Variants in USP45 observed in about 807,000 individuals in gnomAD.
USP45 encodes ubiquitin carboxyl-terminal hydrolase 45.
A neutral mutation model predicts 95.8 loss-of-function variants in USP45; 89 were observed. The observed-to-expected ratio is 0.93, with a 90% confidence interval of 0.78 to 1.11. USP45 has a LOEUF of 1.11. USP45 is among the 50% of genes least tolerant of loss of function. The pLI, the probability that USP45 is intolerant of heterozygous loss-of-function variation, is 0.00. For missense variants in USP45, 898 were observed against 942.5 expected (o/e 0.95, Z 0.62); for synonymous variants, 281 against 316.2 (o/e 0.89, Z 1.18).
intron 7 of USP45, among the ~76,000 whole-genome samples, chr6:99,485,042 C>T (rs1482740235): frequency 6.6e-6 from 1 of 151,824 alleles, no homozygotes; most frequent in Non-Finnish European, 1.5e-5. Context: ...TTAAAAAGTA[C>T]ATTTAGACCT....
intron 2 of USP45, 75 bp downstream of exon 2, chr6:99,510,046 C>A (rs1051688522): frequency 1.6e-5 from 18 of 1,145,188 alleles, no homozygotes; most frequent in Non-Finnish European, 2.3e-5. Flanking sequence ...AGCGTTCAAA[C>A]CCATGTTGTT....
At chr6:99,503,562 C>T (rs1302093480) in intron 5 of USP45, among the ~76,000 whole-genome samples, 1 of 152,094 alleles carries the variant, frequency 6.6e-6, no homozygotes, top group Non-Finnish European at 1.5e-5. Context: ...AAACCCTTGA[C>T]CTCATGATCC....
chr6:99,450,042 GA>G (rs1452996861), intron 13 of USP45, among the ~76,000 whole-genome samples: 10 of 152,106 alleles, frequency 6.6e-5, no homozygotes, highest in Non-Finnish European at 1.3e-4. Flanking sequence ...TGTGTAGAGG[GA>G]AATTTATAGT....
At chr6:99,493,956 CA>C (rs1456559283) in intron 5 of USP45, among the ~76,000 whole-genome samples, 7 of 152,098 alleles carry the variant, frequency 4.6e-5, no homozygotes, top group African/African-American at 1.4e-4. Context: ...GAACCAAATA[CA>C]ATAAGGAATG....
intron 13 of USP45, chr6:99,461,315 C>G: frequency 1.0e-6 from 1 of 985,226 alleles, no homozygotes; most frequent in Non-Finnish European, 1.2e-6. Flanking sequence ...AGAAAAATAG[C>G]CTATGGAATA....
chr6:99,447,074 G>C (rs1782697938), intron 13 of USP45, among the ~76,000 whole-genome samples: 1 of 139,076 alleles, frequency 7.2e-6, no homozygotes, highest in Non-Finnish European at 1.6e-5. Context: ...AAATGTATCT[G>C]TTTTTTAAAC....
intron 13 of USP45, among the ~76,000 whole-genome samples, chr6:99,446,691 G>A (rs1225738654): frequency 6.6e-6 from 1 of 152,186 alleles, no homozygotes; most frequent in Non-Finnish European, 1.5e-5. Flanking sequence ...TATTTGTGGG[G>A]AAGGAAATAG....
In USP45 at chr6:99,510,129, T is replaced by C. The variant is rs201895399; in HGVS notation, c.92A>G (p.Asp31Gly). The C allele has an allele frequency of 6.4e-5, 103 of 1,610,428 alleles. No individual in the cohort carries two copies. The highest frequency in any genetic ancestry group is 6.7e-5 in the Admixed American group (4 of 59,898). Reference sequence around the variant, plus strand: ...CATATATCACAATTTACCAGCAATATCATCTGAAGAGTCTTCATCATGAGG... The same window carrying C: ...CATATATCACAATTTACCAGCAATACCATCTGAAGAGTCTTCATCATGAGG... Reference protein sequence around the residue: ...TVPHDEDSSDDIAVGLTCQHV... With the variant: ...TVPHDEDSSDGIAVGLTCQHV... Residue 31 changes from aspartate (D) to glycine (G), a missense_variant, in exon 2 of 18, where the codon GAT (aspartate) becomes GGT (glycine). By Grantham distance (94) the Asp-to-Gly change is moderately conservative. Transcript: ENST00000500704.
intron 7 of USP45, among the ~76,000 whole-genome samples, chr6:99,483,209 C>A (rs908231877): frequency 6.6e-6 from 1 of 151,980 alleles, no homozygotes; most frequent in African/African-American, 2.4e-5. Context: ...TGTACCACTC[C>A]ACGAATAATC....
At chr6:99,515,462 G>A (rs1407635355), upstream of USP45, 1 of 152,304 alleles carries the variant, frequency 6.6e-6, no homozygotes, top group Non-Finnish European at 1.5e-5. Context: ...GCTCCCGGCA[G>A]AGGTGGGGCC....
intron 11 of USP45, 51 bp from the exon 12 acceptor site, chr6:99,465,187 T>A (rs1476160949): frequency 6.8e-7 from 1 of 1,465,406 alleles, no homozygotes; most frequent in African/African-American, 1.4e-5. Flanking sequence ...AATATAAACA[T>A]ACAGTTTTGT....
chr6:99,475,288 GAAT>G (rs1487758363), intron 9 of USP45, among the ~76,000 whole-genome samples: 1 of 149,492 alleles, frequency 6.7e-6, no homozygotes, highest in Non-Finnish European at 1.5e-5. Flanking sequence ...TATCGCCCAG[GAAT>G]AATATCTCCC....
intron 13 of USP45, among the ~76,000 whole-genome samples, chr6:99,447,215 AT>A (rs747661450): frequency 2.0e-5 from 3 of 152,214 alleles, no homozygotes; most frequent in Non-Finnish European, 4.4e-5. Context: ...CTAATTAAAA[AT>A]TTTAAGCTAC....
intron 13 of USP45, among the ~76,000 whole-genome samples, chr6:99,450,831 C>T (rs1783690696): frequency 2.0e-5 from 3 of 152,158 alleles, no homozygotes; most frequent in Admixed American, 2.0e-4. Flanking sequence ...AAAAGCTTAT[C>T]CACCATGATC....
intron 10 of USP45, among the ~76,000 whole-genome samples, chr6:99,467,367 T>C (rs1478253882): frequency 1.3e-5 from 2 of 152,156 alleles, no homozygotes; most frequent in African/African-American, 4.8e-5. Context: ...AAGGGCTGCA[T>C]TATGCTATTC....
intron 1 of USP45, among the ~76,000 whole-genome samples, chr6:99,512,647 T>C (rs1454005182): frequency 6.6e-6 from 1 of 152,208 alleles, no homozygotes; most frequent in Admixed American, 6.5e-5. Context: ...ATTCCAAATC[T>C]TGATTTATTC....
At chr6:99,485,796 G>C (rs1464348898) in intron 7 of USP45, among the ~76,000 whole-genome samples, 4 of 152,168 alleles carry the variant, frequency 2.6e-5, no homozygotes, top group Non-Finnish European at 5.9e-5. Context: ...CATAACTGGG[G>C]TTTGTAACAA....
At chr6:99,441,480 C>T (rs932417086) in intron 15 of USP45, among the ~76,000 whole-genome samples, 3 of 151,524 alleles carry the variant, frequency 2.0e-5, no homozygotes, top group Admixed American at 6.6e-5. Context: ...TGCAGTGAGC[C>T]GAGATCGCGC....
chr6:99,484,268 A>G (rs1793267083), intron 7 of USP45, among the ~76,000 whole-genome samples: 1 of 151,584 alleles, frequency 6.6e-6, no homozygotes, highest in Non-Finnish European at 1.5e-5. Context: ...CTTGGACCCA[A>G]GTGATCCTCC....
Sources: allele counts gnomAD v4.1 joint callset (sites outside exome capture counted in the v4.1 genomes callset), GRCh38; gene constraint gnomAD v4.1.1; transcripts MANE v1.5; gene names NCBI Gene and HGNC (gene_info 2026-07-23, HGNC 2026-07-21).